The following KIF16B variants were observed in gnomAD, a reference collection of about 807,000 sequenced individuals.
KIF16B encodes kinesin-like protein KIF16B.
KIF16B carries 98 observed loss-of-function variants against 156.3 expected under a neutral mutation model. The observed-to-expected ratio is 0.63, with a 90% CI of 0.53 to 0.74. The LOEUF (loss-of-function observed/expected upper bound fraction) is 0.74. KIF16B is among the 30% of genes least tolerant of loss of function. The pLI is 0.00. For missense variants in KIF16B, 1,421 were observed against 1,606.5 expected (o/e 0.88, Z 1.97); for synonymous variants, 564 against 583.7 (o/e 0.97, Z 0.49).
Position 16,406,378 on chromosome 20 carries a change from C to G in KIF16B, c.1691G>C (p.Arg564Thr), listed in dbSNP as rs140421471. The change falls in exon 16 of 26, where the codon AGG (arginine) becomes ACG (threonine). Residue 564 changes from arginine to threonine, a missense_variant. Physicochemically the swap from Arg to Thr is moderately conservative, Grantham distance 71 (BLOSUM62 -1). Coordinates refer to ENST00000354981, the MANE Select transcript of KIF16B (RefSeq NM_024704.5). ...TAGAGACGCCGTGTCCCTCACCTTC[C>G]TCTTCTCCCTGAGCTTGGCGGCTTC... The part of the protein sequence containing the change: ...PKEAAKLREK[R>T]KSGLLSSFSL... 6.2e-7 allele frequency: 1 copy of G among 1,613,442 alleles called. No individual in the cohort carries two copies. The highest frequency in any genetic ancestry group is 2.2e-5 in the East Asian group (1 of 44,862).
At chr20:16,536,649 T>C (rs2147203019) in intron 1 of KIF16B, among the ~76,000 whole-genome samples, 1 of 152,320 alleles carries the variant, frequency 6.6e-6, no homozygotes, top group East Asian at 1.9e-4. Context: ...GCGTGATATC[T>C]ATGATGGTTG....
At chr20:16,518,099 A>T (rs893766533) in intron 3 of KIF16B, among the ~76,000 whole-genome samples, 1 of 152,054 alleles carries the variant, frequency 6.6e-6, no homozygotes, top group Admixed American at 6.6e-5. Context: ...GGGTCTAGAA[A>T]ATCCAGGTCT....
chr20:16,351,537 AG>A (rs962098232), intron 23 of KIF16B, among the ~76,000 whole-genome samples: 23 of 151,938 alleles, frequency 1.5e-4, no homozygotes, highest in African/African-American at 5.6e-4. Flanking sequence ...AGCTGAGCGC[AG>A]GCACAAATTT....
intron 25 of KIF16B, among the ~76,000 whole-genome samples, chr20:16,302,734 T>C (rs2063491363): frequency 6.6e-6 from 1 of 152,218 alleles, no homozygotes; most frequent in African/African-American, 2.4e-5. Flanking sequence ...GTTAGATTTA[T>C]AAACAAGTAT....
Position 16,380,001 on chromosome 20 carries a change from G to A in KIF16B, c.2001C>T (p.Asn667=), listed in dbSNP as rs2065054297. 1.9e-6 allele frequency: 3 copies of A among 1,605,712 alleles called. No individual in the cohort carries two copies. The highest frequency in any genetic ancestry group is 2.5e-6 in the Non-Finnish European group (3 of 1,177,054). ...TCTCCGCAAGTAAATCCTTTAGCTT[G>A]TTCTCGATGTGGAAGCTGCGGCGTT... The part of the protein sequence containing the change: ...SLKRRSFHIE[N]KLKDLLAEKE... Residue 667 remains asparagine, a synonymous_variant, in exon 19 of 26, where the codon AAC becomes AAT. Coordinates refer to ENST00000354981, the MANE Select transcript of KIF16B (RefSeq NM_024704.5).
chr20:16,300,530 G>T (rs1318450866), intron 25 of KIF16B, among the ~76,000 whole-genome samples: 1 of 151,584 alleles, frequency 6.6e-6, no homozygotes, highest in South Asian at 2.1e-4. Flanking sequence ...TTTAAGCAAA[G>T]CACTAAGGGC....
chr20:16,454,713 C>CA (rs900678099), intron 12 of KIF16B, among the ~76,000 whole-genome samples: 1 of 152,082 alleles, frequency 6.6e-6, no homozygotes, highest in African/African-American at 2.4e-5. Context: ...AGTAAGTAAA[C>CA]AGAATAAACT....
intron 18 of KIF16B, 121 bp from the exon 19 acceptor site, chr20:16,380,284 A>C: frequency 1.1e-6 from 1 of 877,766 alleles, no homozygotes; most frequent in Non-Finnish European, 1.6e-6. Flanking sequence ...AAATAAAAAA[A>C]AGAAGAGTAA....
At chr20:16,518,029 C>G (rs1340365930) in intron 3 of KIF16B, among the ~76,000 whole-genome samples, 1 of 152,144 alleles carries the variant, frequency 6.6e-6, no homozygotes, top group Non-Finnish European at 1.5e-5. Context: ...AAAGTTAACC[C>G]AGGCGGTTTT....
At chr20:16,512,723 T>G (rs2068995690) in intron 5 of KIF16B, 103 bp downstream of exon 5, 11 of 695,466 alleles carry the variant, frequency 1.6e-5, no homozygotes, top group Non-Finnish European at 2.5e-5. Context: ...GACTTTTTCT[T>G]TAGGAATCTA....
intron 15 of KIF16B, among the ~76,000 whole-genome samples, chr20:16,419,609 G>A (rs1483232688): frequency 6.6e-6 from 1 of 152,094 alleles, no homozygotes; most frequent in East Asian, 1.9e-4. Context: ...TGCCAATTCT[G>A]TAGCACTTCT....
intron 1 of KIF16B, among the ~76,000 whole-genome samples, chr20:16,567,908 C>T (rs1375540778): frequency 6.6e-6 from 1 of 152,130 alleles, no homozygotes; most frequent in African/African-American, 2.4e-5. Flanking sequence ...ACCGAGATCG[C>T]GCCACTGCAC....
chr20:16,386,474 G>C (rs759163929), intron 17 of KIF16B, among the ~76,000 whole-genome samples: 1 of 152,020 alleles, frequency 6.6e-6, no homozygotes, highest in African/African-American at 2.4e-5. Context: ...GAGGTCTGAT[G>C]AGTGAGTGAG....
intron 23 of KIF16B, among the ~76,000 whole-genome samples, chr20:16,348,106 A>C (rs941429985): frequency 6.6e-6 from 1 of 152,224 alleles, no homozygotes; most frequent in Non-Finnish European, 1.5e-5. Flanking sequence ...GCCCCAATTT[A>C]CAAAGTACCC....
chr20:16,315,758 A>T (rs996559062), intron 24 of KIF16B, among the ~76,000 whole-genome samples: 1 of 152,178 alleles, frequency 6.6e-6, no homozygotes, highest in East Asian at 1.9e-4. Context: ...CTCTCCAAGT[A>T]AAAACTAAGA....
chr20:16,282,509 G>C (rs187366932), intron 25 of KIF16B, among the ~76,000 whole-genome samples: 20 of 152,016 alleles, frequency 1.3e-4, no homozygotes, highest in Non-Finnish European at 2.5e-4. Flanking sequence ...CTAGTCCTGG[G>C]AATTGGTTAC....
chr20:16,545,239 T>A (rs888633089), intron 1 of KIF16B, among the ~76,000 whole-genome samples: 4 of 152,068 alleles, frequency 2.6e-5, no homozygotes, highest in African/African-American at 9.7e-5. Context: ...TTTTTAAAAA[T>A]GGAAATTTAG....
intron 25 of KIF16B, among the ~76,000 whole-genome samples, chr20:16,299,465 A>G (rs1424916336): frequency 6.6e-6 from 1 of 152,192 alleles, no homozygotes; most frequent in Non-Finnish European, 1.5e-5. Flanking sequence ...TACCCTTTGC[A>G]TGGTAGAAAT....
intron 12 of KIF16B, among the ~76,000 whole-genome samples, chr20:16,489,824 T>A (rs1441410520): frequency 6.6e-6 from 1 of 151,966 alleles, no homozygotes; most frequent in African/African-American, 2.4e-5. Context: ...TCTAACCAGC[T>A]CCCCGGTGAT....
Sources: gnomAD v4.1 joint callset for allele counts (sites outside exome capture counted in the v4.1 genomes callset) on GRCh38, gnomAD v4.1.1 for gene constraint, MANE v1.5 for transcripts, NCBI Gene and HGNC (gene_info 2026-07-23, HGNC 2026-07-21) for gene names.